Variants in CCDC66 observed in about 807,000 individuals in gnomAD.
The protein encoded by CCDC66 is coiled-coil domain-containing protein 66.
A neutral mutation model predicts 128.3 loss-of-function variants in CCDC66; 133 were observed. The observed-to-expected ratio is 1.04, with a 90% CI of 0.90 to 1.20. CCDC66 has a LOEUF of 1.20. CCDC66 is among the 50% of genes most tolerant of loss of function. The pLI is 0.00. For missense variants in CCDC66, 1,126 were observed against 1,075.5 expected, an observed-to-expected ratio of 1.05 and a Z score of -0.66; for synonymous variants, 387 against 357.0, an observed-to-expected ratio of 1.08 and a Z score of -0.95.
At chr3:56,605,068 T>C (rs1397796955) in intron 10 of CCDC66, among the ~76,000 whole-genome samples, 2 of 152,096 alleles carry the variant, frequency 1.3e-5, no homozygotes, top group Non-Finnish European at 2.9e-5. Context: ...GTTTGGCTAT[T>C]GATACTTGTG....
chr3:56,584,377 G>T (rs2069152667), intron 7 of CCDC66, among the ~76,000 whole-genome samples: 1 of 150,594 alleles, frequency 6.6e-6, no homozygotes, highest in Non-Finnish European at 1.5e-5. Flanking sequence ...TTCTCAGACG[G>T]GGCGGCTGCC....
Position 56,617,292 on chromosome 3 carries a change from A to G in CCDC66, c.2024A>G (p.Asn675Ser), listed in dbSNP as rs374670135. The G allele has an allele frequency of 1.7e-5, 28 of 1,613,504 alleles. No individual in the cohort carries two copies. Among genetic ancestry groups the G allele is most frequent in the Middle Eastern group, 1.6e-4 (1 of 6,078 alleles). Reference sequence around the variant, plus strand: ...GGAGCCAGCTTAGAAAAAGAAAACAATCGGTGTAATGACCAGTGTAATCAG... The same window carrying G: ...GGAGCCAGCTTAGAAAAAGAAAACAGTCGGTGTAATGACCAGTGTAATCAG... ...DKGASLEKEN[N>S]RCNDQCNQFT... is the part of the protein sequence containing the mutation. The change falls in exon 14 of 18, where the codon AAT (asparagine) becomes AGT (serine). Residue 675 changes from asparagine (N) to serine (S), a missense_variant. Coordinates refer to ENST00000394672, the MANE Select transcript of CCDC66 (RefSeq NM_001141947.3).
chr3:56,560,641 A>C (rs2064974987), intron 3 of CCDC66, among the ~76,000 whole-genome samples: 2 of 151,994 alleles, frequency 1.3e-5, no homozygotes, highest in African/African-American at 2.4e-5. Context: ...AATCACTTGA[A>C]CCCTGGAGAT....
At chr3:56,571,351 T>G in intron 7 of CCDC66, 49 bp downstream of exon 7, 1 of 1,243,752 alleles carries the variant, frequency 8.0e-7, no homozygotes, top group Non-Finnish European at 1.1e-6. Context: ...GTGTTCATAT[T>G]ATAGAATTTA....
chr3:56,602,580 A>C (rs1274697274), intron 10 of CCDC66, among the ~76,000 whole-genome samples: 8 of 152,004 alleles, frequency 5.3e-5, no homozygotes, highest in Non-Finnish European at 7.4e-5. Context: ...CCTCTGGTAG[A>C]ATTCTGCTGT....
In CCDC66 at chr3:56,599,082, A is replaced by G. The variant is rs559447309; in HGVS notation, c.1404+5054A>G. Among the ~76,000 whole-genome samples the G allele has an allele frequency of 1.8e-4, 27 of 152,032 alleles. No homozygotes were observed. In the East Asian group the frequency reaches 3.3e-3, roughly 18 times the overall value. ...TTGTTGGGAGACTTTTTTATTACCAATTCAGTCTTATTACTCATTACTGGT... is the reference window on the plus strand; with the variant it reads ...TTGTTGGGAGACTTTTTTATTACCAGTTCAGTCTTATTACTCATTACTGGT... On this transcript the variant is annotated intron_variant, in intron 10 of 17. Transcript: ENST00000394672.
chr3:56,615,094 A>G (rs1255363267), intron 11 of CCDC66, 34 bp from the exon 12 acceptor site: 4 of 1,602,802 alleles, frequency 2.5e-6, no homozygotes, highest in African/African-American at 1.3e-5. Flanking sequence ...TGTATGTTTA[A>G]TAGATGAATT....
rs1553672846 is a variant in CCDC66 at position 56,573,840 on chromosome 3, A to AT, written c.936+2538_936+2539insT. On this transcript the variant is annotated intron_variant, in intron 7 of 17. Transcript: ENST00000394672. Reference sequence around the variant, plus strand: ...AGGCACTTTGGGGTCCTTGGCCAAGAGATCCATTCAGTTGGTTGGGGGACT... The same window carrying AT: ...AGGCACTTTGGGGTCCTTGGCCAAGATGATCCATTCAGTTGGTTGGGGGACT... Among the ~76,000 whole-genome samples the AT allele has an allele frequency of 5.9e-4, 90 of 151,544 alleles. 1 individual carries two copies. The highest frequency in any genetic ancestry group is 2.0e-3 in the African/African-American group (81 of 41,444).
chr3:56,596,260 T>C (rs545350323), intron 10 of CCDC66, among the ~76,000 whole-genome samples: 2 of 152,318 alleles, frequency 1.3e-5, no homozygotes, highest in South Asian at 4.1e-4. Flanking sequence ...TGAGGCGATA[T>C]GATATCTCAT....
Position 56,617,340 on chromosome 3 carries a change from C to T in CCDC66, c.2072C>T (p.Thr691Ile), listed in dbSNP as rs537053776. 1.0e-4 allele frequency: 169 copies of T among 1,612,000 alleles called. No homozygotes were observed. In the Middle Eastern group the frequency reaches 3.8e-3, roughly 36 times the overall value. Residue 691 changes from threonine to isoleucine, a missense_variant, in exon 14 of 18, where the codon ACA becomes ATA. Transcript: ENST00000394672. ...CAGTTCACAAGAATAGAGAAACAAACAAAACACATGAAGAAATATCCTAAA... is the reference window on the plus strand; with the variant it reads ...CAGTTCACAAGAATAGAGAAACAAATAAAACACATGAAGAAATATCCTAAA... ...CNQFTRIEKQ[T>I]KHMKKYPKRP...
chr3:56,617,543 G>C lies in CCDC66; in HGVS notation c.2275G>C (p.Glu759Gln). 6.2e-7 allele frequency: 1 copy of C among 1,610,024 alleles called. No homozygotes were observed. ...CTCTCAAAACAGAGGCATTTCACCA[G>C]AAATTTTTCATTCATCTCATCAAGA... ...HLSQNRGISP[E>Q]IFHSSHQETE... is the part of the protein sequence containing the mutation. Residue 759 changes from glutamate to glutamine, a missense_variant, in exon 14 of 18, where the codon GAA (glutamate) becomes CAA (glutamine). By Grantham distance (29) the Glu-to-Gln change is conservative. Transcript: ENST00000394672.
rs368946108 is a variant in CCDC66, at chr3:56,621,818, T to TTAA, written c.*200_*201insTAA. The TTAA allele has an allele frequency of 2.2e-5, 3 of 133,968 alleles. No homozygotes were observed. Among genetic ancestry groups the TTAA allele is most frequent in the Non-Finnish European group, 3.1e-5 (2 of 64,426 alleles). The allele number at this position is 133,968 out of a possible 1,614,324, so 8.3% of individuals were successfully genotyped here. On this transcript the variant is annotated 3_prime_UTR_variant, in exon 18 of 18. Coordinates refer to ENST00000394672, the MANE Select transcript of CCDC66 (RefSeq NM_001141947.3). ...TACTTCTTTTGTAAAAGCTTAGTAG[T>TTAA]AAAAAAAAAAAAAAAAAAACCGGTT... is the stretch of plus-strand genomic sequence containing the variant.
At position 56,617,105 on chromosome 3, in the gene CCDC66, T is replaced by G. The variant is rs1559775165; in HGVS notation, c.1844-7T>G. The G allele has an allele frequency of 1.3e-6, 2 of 1,509,706 alleles. No homozygotes were observed. The highest frequency in any genetic ancestry group is 1.8e-6 in the Non-Finnish European group (2 of 1,127,456). 93.5% of individuals were successfully genotyped at this position (1,509,706 alleles called of 1,614,324 possible). On this transcript the variant is annotated splice_polypyrimidine_tract_variant and splice_region_variant and intron_variant, in intron 13 of 17. Coordinates refer to ENST00000394672, the MANE Select transcript of CCDC66 (RefSeq NM_001141947.3). ...ATTTTTAAAAATCATTTGCAACTTTTTTTTAGATGACTTAAATATAGGAAT... is the reference window on the plus strand; with the variant it reads ...ATTTTTAAAAATCATTTGCAACTTTGTTTTAGATGACTTAAATATAGGAAT...
chr3:56,569,385 C>A (rs143181508), intron 6 of CCDC66: 1 of 302,066 alleles, frequency 3.3e-6, no homozygotes, highest in South Asian at 2.9e-5. Flanking sequence ...CTTTTACTCA[C>A]GGTGGAAGGC....
rs767769085 is a variant in CCDC66, at chr3:56,566,918, C to T, written c.711-32C>T. 24 of 1,556,298 alleles carry T rather than the reference C, an allele frequency of 1.5e-5. 1 individual carries two copies. In the East Asian group the frequency reaches 5.2e-4, roughly 33 times the overall value. ...GTCAGTTGTGTAGAAATGTATGATA[C>T]AGTTTCTGTTATCTTTTGTGTTTTA... On this transcript the variant is annotated intron_variant, in intron 5 of 17. Transcript: ENST00000394672.
chr3:56,593,963 G>C lies in CCDC66; in HGVS notation c.1339G>C (p.Ala447Pro). Residue 447 changes from alanine (A) to proline (P), a missense_variant, in exon 10 of 18, where the codon GCT (alanine) becomes CCT (proline). Physicochemically the swap from Ala to Pro is conservative, Grantham distance 27 (BLOSUM62 -1). Transcript: ENST00000394672. ...KKTNFLRSMTALLDPAQIEER... is the reference protein window; with the variant it reads ...KKTNFLRSMTPLLDPAQIEER... ...TGCCAGCTTTCTCCGTTCTATGACT[G>C]CTCTCTTGGACCCAGCTCAGATTGA... The C allele has an allele frequency of 6.2e-7, 1 of 1,614,156 alleles. No homozygotes were observed. Among genetic ancestry groups the C allele is most frequent in the East Asian group, 2.2e-5 (1 of 44,880 alleles).
chr3:56,592,910 A>G, intron 7 of CCDC66, 60 bp from the exon 8 acceptor site: 2 of 1,567,960 alleles, frequency 1.3e-6, no homozygotes, highest in Non-Finnish European at 1.7e-6. Flanking sequence ...AGATTTGCAC[A>G]TATTAAGTGA....
At chr3:56,572,475 T>C in intron 7 of CCDC66, 1 of 910,822 alleles carries the variant, frequency 1.1e-6, no homozygotes, top group South Asian at 1.6e-5. Context: ...CTTTTAGTAT[T>C]TGACCTCTAA....
chr3:56,569,172 T>G (rs1265801304), intron 6 of CCDC66: 1 of 163,206 alleles, frequency 6.1e-6, no homozygotes, highest in East Asian at 1.7e-4. Flanking sequence ...TGAGACCCTA[T>G]CTCTACAAAA....
Sources: allele counts gnomAD v4.1 joint callset (sites outside exome capture counted in the v4.1 genomes callset), GRCh38; gene constraint gnomAD v4.1.1; transcripts MANE v1.5; gene names NCBI Gene and HGNC (gene_info 2026-07-23, HGNC 2026-07-21).